Variants in PCDHA12 observed in about 807,000 individuals in gnomAD.
The protein encoded by PCDHA12 is protocadherin alpha 12.
PCDHA12 carries 44 observed loss-of-function variants against 60.0 expected under a neutral mutation model. That is an observed-to-expected ratio of 0.73 (90% CI 0.58 to 0.94). The LOEUF is 0.94. PCDHA12 is among the 40% of genes least tolerant of loss of function. PCDHA12 has a pLI of 0.00. For synonymous variants in PCDHA12, 569 were observed against 553.0 expected (o/e 1.03, Z -0.40); for missense variants, 1,276 against 1,239.7 (o/e 1.03, Z -0.44).
intron 1 of PCDHA12, among the ~76,000 whole-genome samples, chr5:140,947,713 T>G (rs1252298380): frequency 6.6e-6 from 1 of 151,618 alleles, no homozygotes; most frequent in African/African-American, 2.4e-5. Flanking sequence ...AGTATTGAGG[T>G]TTCAAAAGTT....
intron 3 of PCDHA12, among the ~76,000 whole-genome samples, chr5:140,998,830 C>G (rs1385890461): frequency 6.6e-6 from 1 of 152,200 alleles, no homozygotes; most frequent in African/African-American, 2.4e-5. Flanking sequence ...TCCCAAAGTG[C>G]TGGATTACTG....
intron 1 of PCDHA12, among the ~76,000 whole-genome samples, chr5:140,900,333 C>T (rs10071692): frequency 3.3e-5 from 5 of 151,856 alleles, no homozygotes; most frequent in Admixed American, 6.6e-5. Flanking sequence ...GCTGGAGTAC[C>T]GTGGCGCAAT....
intron 1 of PCDHA12, among the ~76,000 whole-genome samples, chr5:140,961,617 C>T (rs781986571): frequency 2.0e-5 from 3 of 152,086 alleles, no homozygotes; most frequent in Non-Finnish European, 4.4e-5. Context: ...AACTAAAGTG[C>T]CCATATGAAA....
chr5:140,929,064 T>A (rs550251743), intron 1 of PCDHA12: 1 of 1,614,162 alleles, frequency 6.2e-7, no homozygotes, highest in South Asian at 1.1e-5. Context: ...CTACAGAGGA[T>A]CTGAGGTATG....
chr5:140,892,536 A>G (rs916916323), intron 1 of PCDHA12, among the ~76,000 whole-genome samples: 1 of 152,208 alleles, frequency 6.6e-6, no homozygotes, highest in African/African-American at 2.4e-5. Flanking sequence ...CAGGATTCTG[A>G]CTTTTGTTTC....
At chr5:140,935,178 G>C (rs2090229039) in intron 1 of PCDHA12, among the ~76,000 whole-genome samples, 2 of 152,146 alleles carry the variant, frequency 1.3e-5, no homozygotes, top group African/African-American at 4.8e-5. Context: ...GCTTATTGCT[G>C]CTGGGTCAGT....
In PCDHA12 at chr5:140,876,176, TG is replaced by T. The variant is rs1554168338; in HGVS notation, c.705del (p.Asn236MetfsTer14). Reference protein sequence around the residue: ...SVQIQITVLDVNDNGPAFDKP... With the variant: ...SVQIQITVLDXNDNGPAFDKP... ...CAGATTCAAATAACCGTCCTGGATGTGAATGACAATGGTCCGGCGTTTGATA... is the reference window on the plus strand; with the variant it reads ...CAGATTCAAATAACCGTCCTGGATGTAATGACAATGGTCCGGCGTTTGATA... On this transcript the variant is annotated frameshift_variant, in exon 1 of 4. Coordinates refer to ENST00000398631, the MANE Select transcript of PCDHA12 (RefSeq NM_018903.4). LOFTEE classifies it high-confidence loss of function. 1.2e-6 allele frequency: 2 copies of T among 1,613,930 alleles called. No individual in the cohort carries two copies. Among genetic ancestry groups the T allele is most frequent in the Non-Finnish European group, 1.7e-6 (2 of 1,179,894 alleles).
At chr5:140,891,624 T>C (rs1489586112) in intron 1 of PCDHA12, among the ~76,000 whole-genome samples, 1 of 152,188 alleles carries the variant, frequency 6.6e-6, no homozygotes, top group African/African-American at 2.4e-5. Context: ...TTTTAACACC[T>C]TTTGCTCTTT....
rs782000038 is a variant in PCDHA12 at position 140,875,783 on chromosome 5, T to C, written c.311T>C (p.Ile104Thr). 2.5e-6 allele frequency: 4 copies of C among 1,614,050 alleles called. No homozygotes were observed. Among genetic ancestry groups the C allele is most frequent in the Non-Finnish European group, 3.4e-6 (4 of 1,180,038 alleles). ...KLCGRSAECSIHLEVIVDRPL... is the reference protein window; with the variant it reads ...KLCGRSAECSTHLEVIVDRPL... ...TGCGGGCGGAGCGCGGAGTGCAGTA[T>C]CCACCTGGAGGTGATCGTGGACAGG... Residue 104 changes from isoleucine (I) to threonine (T), a missense_variant, in exon 1 of 4, where the codon ATC (isoleucine) becomes ACC (threonine). By Grantham distance (89) the Ile-to-Thr change is moderately conservative. Coordinates refer to ENST00000398631, the MANE Select transcript of PCDHA12 (RefSeq NM_018903.4).
Position 140,875,381 on chromosome 5 carries a change from A to G in PCDHA12, c.-92A>G. 4.8e-6 allele frequency: 7 copies of G among 1,461,296 alleles called. No individual in the cohort carries two copies. Among genetic ancestry groups the G allele is most frequent in the Non-Finnish European group, 6.3e-6 (7 of 1,107,040 alleles). The allele number at this position is 1,461,296 out of a possible 1,614,324, so 90.5% of individuals were successfully genotyped here. On this transcript the variant is annotated 5_prime_UTR_variant, in exon 1 of 4. Coordinates refer to ENST00000398631, the MANE Select transcript of PCDHA12 (RefSeq NM_018903.4). Reference sequence around the variant, plus strand: ...GCTGGAAAAAATTTACTAAATATGTACTTACAGAAAAGGGTGACTGCTCAT... The same window carrying G: ...GCTGGAAAAAATTTACTAAATATGTGCTTACAGAAAAGGGTGACTGCTCAT...
At chr5:140,969,733 T>C (rs1299165103) in intron 1 of PCDHA12, among the ~76,000 whole-genome samples, 1 of 152,242 alleles carries the variant, frequency 6.6e-6, no homozygotes, top group Non-Finnish European at 1.5e-5. Context: ...TTTGAAATCC[T>C]ATATGAGTGA....
At chr5:140,947,734 C>T (rs2094167568) in intron 1 of PCDHA12, among the ~76,000 whole-genome samples, 1 of 151,286 alleles carries the variant, frequency 6.6e-6, no homozygotes, top group African/African-American at 2.4e-5. Flanking sequence ...TTTTGTAATA[C>T]CTATTCTTAT....
At chr5:140,926,183 C>A (rs1287609954) in intron 1 of PCDHA12, among the ~76,000 whole-genome samples, 2 of 151,712 alleles carry the variant, frequency 1.3e-5, no homozygotes, top group African/African-American at 4.8e-5. Context: ...GGAAAGCCCC[C>A]CGCAGCACTT....
rs2057018817 is a variant in PCDHA12 at position 140,877,313 on chromosome 5, C to T, written c.1841C>T (p.Ala614Val). The change falls in exon 1 of 4, where the codon GCG (alanine) becomes GTG (valine). Residue 614 changes from alanine to valine, a missense_variant. Physicochemically the swap from Ala to Val is moderately conservative, Grantham distance 64 (BLOSUM62 0). Transcript: ENST00000398631. ...TGGCTGTCCTACGAGTTGCAACCGG[C>T]GGCGGTCGGCGCGCACATCCCGTTC... Reference protein sequence around the residue: ...NAWLSYELQPAAVGAHIPFHV... With the variant: ...NAWLSYELQPVAVGAHIPFHV... 1 of 1,613,836 alleles carries T rather than the reference C, an allele frequency of 6.2e-7. No individual in the cohort carries two copies. Among genetic ancestry groups the T allele is most frequent in the Non-Finnish European group, 8.5e-7 (1 of 1,179,878 alleles).
At chr5:140,953,284 T>G (rs2094869714) in intron 1 of PCDHA12, among the ~76,000 whole-genome samples, 1 of 152,160 alleles carries the variant, frequency 6.6e-6, no homozygotes, top group Admixed American at 6.5e-5. Flanking sequence ...TCTTTATATG[T>G]GATTCAGGGA....
chr5:140,928,860 G>T, intron 1 of PCDHA12: 8 of 1,614,154 alleles, frequency 5.0e-6, no homozygotes, highest in Non-Finnish European at 6.8e-6. Flanking sequence ...GTGTGCTGTT[G>T]AGCAACTCTG....
intron 1 of PCDHA12, among the ~76,000 whole-genome samples, chr5:140,931,932 T>C (rs1163129550): frequency 6.6e-6 from 1 of 151,986 alleles, no homozygotes; most frequent in South Asian, 2.1e-4. Context: ...ATGATTATAA[T>C]GTGTGTCTGA....
intron 3 of PCDHA12, among the ~76,000 whole-genome samples, chr5:140,991,033 T>C (rs2097428117): frequency 6.6e-6 from 1 of 152,212 alleles, no homozygotes; most frequent in African/African-American, 2.4e-5. Context: ...ATATGTTGCA[T>C]ACTTAACTTT....
At chr5:140,967,331 C>T (rs2096128497) in intron 1 of PCDHA12, 1 of 1,608,078 alleles carries the variant, frequency 6.2e-7, no homozygotes, top group African/African-American at 1.3e-5. Context: ...CGAGCTCAGC[C>T]CCAGCGAGCA....
Sources: gnomAD v4.1 joint callset for allele counts (sites outside exome capture counted in the v4.1 genomes callset) on GRCh38, gnomAD v4.1.1 for gene constraint, MANE v1.5 for transcripts, NCBI Gene and HGNC (gene_info 2026-07-23, HGNC 2026-07-21) for gene names.